Variants in CCDC110 observed in about 807,000 individuals in gnomAD.
CCDC110 encodes coiled-coil domain-containing protein 110.
A neutral mutation model predicts 77.1 loss-of-function variants in CCDC110; 70 were observed. The ratio of observed to expected loss-of-function variants is 0.91; its 90% CI spans 0.75 to 1.11. The LOEUF is 1.11. Ranked by LOEUF, CCDC110 falls within the 50% of genes least tolerant of loss-of-function variation. The pLI is 0.00. For missense variants in CCDC110, 868 were observed against 942.9 expected, an observed-to-expected ratio of 0.92 and a Z score of 1.04; for synonymous variants, 295 against 312.5, an observed-to-expected ratio of 0.94 and a Z score of 0.59.
chr4:185,458,249 T>C lies in CCDC110; in HGVS notation c.2338A>G (p.Asn780Asp). 1 of 1,602,444 alleles carries C rather than the reference T, an allele frequency of 6.2e-7. No individual in the cohort carries two copies. Among genetic ancestry groups the C allele is most frequent in the Non-Finnish European group, 8.5e-7 (1 of 1,177,242 alleles). The change falls in exon 6 of 7, where the codon AAT becomes GAT. Residue 780 changes from asparagine (N) to aspartate (D), a missense_variant. Asn to Asp is a conservative substitution (Grantham distance 23). Coordinates refer to ENST00000307588, the MANE Select transcript of CCDC110 (RefSeq NM_152775.4). ...EYLSLSDKIC[N>D]QHNDPSKTTY... ...GTTTTTGAAGGGTCATTATGCTGAT[T>C]ACAAATTTTATCACTTAAACTTAAA...
intron 6 of CCDC110, among the ~76,000 whole-genome samples, chr4:185,454,169 TAGAG>T (rs2095632985): frequency 6.6e-6 from 1 of 152,002 alleles, no homozygotes; most frequent in Non-Finnish European, 1.5e-5. Flanking sequence ...TTACCAAAAT[TAGAG>T]AGCAGGGTAA....
intron 2 of CCDC110, among the ~76,000 whole-genome samples, chr4:185,469,387 C>T (rs1448827464): frequency 6.6e-6 from 1 of 152,208 alleles, no homozygotes; most frequent in Non-Finnish European, 1.5e-5. Flanking sequence ...AAGACTGTAA[C>T]TCTTAAACAT....
chr4:185,450,298 A>G (rs2095626907), intron 6 of CCDC110, among the ~76,000 whole-genome samples: 1 of 152,132 alleles, frequency 6.6e-6, no homozygotes, highest in Non-Finnish European at 1.5e-5. Flanking sequence ...AAAAATTCTG[A>G]AGTTGGAAGA....
At chr4:185,470,459 T>A (rs752813272) in intron 2 of CCDC110, 3 of 345,192 alleles carry the variant, frequency 8.7e-6, no homozygotes, top group Non-Finnish European at 1.7e-5. Flanking sequence ...TTTTTAAAAA[T>A]TTTCCCCCCT....
chr4:185,448,059 C>T (rs2095619366), intron 6 of CCDC110, among the ~76,000 whole-genome samples: 1 of 152,092 alleles, frequency 6.6e-6, no homozygotes, highest in Non-Finnish European at 1.5e-5. Flanking sequence ...TCACTCTTGT[C>T]ACCCAGGCTG....
Position 185,458,727 on chromosome 4 carries a change from T to A in CCDC110, c.1860A>T (p.Glu620Asp), listed in dbSNP as rs1186063970. 1.2e-6 allele frequency: 2 copies of A among 1,604,816 alleles called. No individual in the cohort carries two copies. Among genetic ancestry groups the A allele is most frequent in the African/African-American group, 2.7e-5 (2 of 74,220 alleles). ...QLEIIQLKEK[E>D]RLAKTEQETL... ...TCTCTTGTTCCGTTTTTGCCAATCT[T>A]TCTTTCTCTTTTAGCTGGATTATCT... The change falls in exon 6 of 7, where the codon GAA becomes GAT. Residue 620 changes from glutamate (E) to aspartate (D), a missense_variant. Coordinates refer to ENST00000307588, the MANE Select transcript of CCDC110 (RefSeq NM_152775.4).
intron 2 of CCDC110, among the ~76,000 whole-genome samples, chr4:185,469,806 A>T (rs1007727773): frequency 6.6e-6 from 1 of 152,164 alleles, no homozygotes; most frequent in Admixed American, 6.5e-5. Flanking sequence ...GGGCCCTGAC[A>T]AGGCTTTTTG....
At chr4:185,457,501 C>T (rs2153320048) in intron 6 of CCDC110, among the ~76,000 whole-genome samples, 2 of 152,320 alleles carry the variant, frequency 1.3e-5, no homozygotes, top group South Asian at 4.1e-4. Context: ...TTGTAACAAA[C>T]TCTCCTTAAT....
rs183859282 is a variant in CCDC110, at chr4:185,453,612, A to G, written c.2461+4514T>C. Among the ~76,000 whole-genome samples the G allele has an allele frequency of 3.6e-4, 52 of 142,642 alleles. 1 individual carries two copies. In the Admixed American group the frequency reaches 3.7e-3, roughly 10 times the overall value. The allele number at this position is 142,642 out of a possible 152,430, so 93.6% of individuals were successfully genotyped here. A position where few individuals can be genotyped will look rare whatever the true frequency, so the allele number is the denominator to read the frequency against. ...GCCTAGGCTGGAGTGCAGTGGTGCG[A>G]TCATGGCTCACTGCAGCCTCAACCT... On this transcript the variant is annotated intron_variant, in intron 6 of 6. Coordinates refer to ENST00000307588, the MANE Select transcript of CCDC110 (RefSeq NM_152775.4).
chr4:185,452,472 A>C, intron 6 of CCDC110: 1 of 678,150 alleles, frequency 1.5e-6, no homozygotes, highest in Non-Finnish European at 1.8e-6. Context: ...ACTGGAGAGA[A>C]AGTTAAGCAG....
intron 2 of CCDC110, among the ~76,000 whole-genome samples, chr4:185,466,451 A>C (rs2095656281): frequency 6.6e-6 from 1 of 152,180 alleles, no homozygotes; most frequent in African/African-American, 2.4e-5. Context: ...GCCCGAACGA[A>C]GTGCTTGAGG....
chr4:185,453,372 A>G (rs898370339), intron 6 of CCDC110, among the ~76,000 whole-genome samples: 2 of 152,226 alleles, frequency 1.3e-5, no homozygotes, highest in African/African-American at 4.8e-5. Flanking sequence ...GTAGCATTAC[A>G]TAACACTTAT....
At chr4:185,448,820 T>G (rs2095622462) in intron 6 of CCDC110, among the ~76,000 whole-genome samples, 1 of 152,194 alleles carries the variant, frequency 6.6e-6, no homozygotes, top group African/African-American at 2.4e-5. Flanking sequence ...ATGTGTCCTC[T>G]TCTATCCAGA....
intron 6 of CCDC110, among the ~76,000 whole-genome samples, chr4:185,456,380 C>T (rs11132305): frequency 0.68 from 103,719 of 151,586 alleles, 36,046 homozygotes; most frequent in Middle Eastern, 0.76. Flanking sequence ...TAGCACCAGA[C>T]GACCCAAAGG....
chr4:185,445,204 A>G lies in CCDC110; in HGVS notation c.*298T>C. Reference sequence around the variant, plus strand: ...AACTTTTATACTTCTTCAAAATAGTATCTTTTATTTATATATACTTTTTTA... The same window carrying G: ...AACTTTTATACTTCTTCAAAATAGTGTCTTTTATTTATATATACTTTTTTA... On this transcript the variant is annotated 3_prime_UTR_variant, in exon 7 of 7. Coordinates refer to ENST00000307588, the MANE Select transcript of CCDC110 (RefSeq NM_152775.4). 7.9e-7 allele frequency: 1 copy of G among 1,267,566 alleles called. No homozygotes were observed. Among genetic ancestry groups the G allele is most frequent in the Non-Finnish European group, 1.1e-6 (1 of 916,052 alleles). 78.5% of individuals were successfully genotyped at this position (1,267,566 alleles called of 1,614,324 possible).
chr4:185,450,520 G>C lies in CCDC110; in HGVS notation c.2462-4978C>G, dbSNP rs193240275. ...TCCCAGCACTTTGGGAGGCTGAGTC[G>C]GGTGGATCACAAGGTTAGGAGTTCG... On this transcript the variant is annotated intron_variant, in intron 6 of 6. Coordinates refer to ENST00000307588, the MANE Select transcript of CCDC110 (RefSeq NM_152775.4). 2.5e-3 allele frequency among the ~76,000 whole-genome samples: 387 copies of C among 152,238 alleles called. 2 individuals carry two copies. Among genetic ancestry groups the C allele is most frequent in the Middle Eastern group, 0.014 (4 of 294 alleles).
intron 6 of CCDC110, among the ~76,000 whole-genome samples, chr4:185,447,381 T>A (rs4862532): frequency 6.6e-6 from 1 of 151,834 alleles, no homozygotes; most frequent in Non-Finnish European, 1.5e-5. Context: ...GGGGTTTCAC[T>A]GTGTTAGCCA....
chr4:185,447,849 A>G (rs1467186703), intron 6 of CCDC110, among the ~76,000 whole-genome samples: 1 of 152,228 alleles, frequency 6.6e-6, no homozygotes, highest in Non-Finnish European at 1.5e-5. Context: ...TAAACTATGC[A>G]ATTAATACAA....
In CCDC110 at chr4:185,468,940, T is replaced by C. The variant is rs1184894357; in HGVS notation, c.115+2005A>G. 6.6e-6 allele frequency among the ~76,000 whole-genome samples: 1 copy of C among 152,178 alleles called. No homozygotes were observed. Among genetic ancestry groups the C allele is most frequent in the South Asian group, 2.1e-4 (1 of 4,830 alleles). Reference sequence around the variant, plus strand: ...AGCACCTAGAACAGCACTTGAAACTTAGCAGGTGCTCAAAAGAATATGCTC... The same window carrying C: ...AGCACCTAGAACAGCACTTGAAACTCAGCAGGTGCTCAAAAGAATATGCTC... On this transcript the variant is annotated intron_variant, in intron 2 of 6. Coordinates refer to ENST00000307588, the MANE Select transcript of CCDC110 (RefSeq NM_152775.4). This position sits in a 1 kb window ranked among gnomAD's most constrained non-coding sequence, Gnocchi z 4.5.
Sources: gnomAD v4.1 joint callset for allele counts (sites outside exome capture counted in the v4.1 genomes callset) on GRCh38, gnomAD v4.1.1 for gene constraint, Gnocchi (gnomAD v3.1) non-coding constraint, MANE v1.5 for transcripts, NCBI Gene and HGNC (gene_info 2026-07-23, HGNC 2026-07-21) for gene names.